SH3GL3: variants seen among roughly 807,000 people sequenced by gnomAD.
SH3GL3 encodes SH3 domain containing GRB2 like 3, endophilin A3, also known as endophilin-A3.
SH3GL3 carries 33 observed loss-of-function variants against 47.7 expected under a neutral mutation model. That is an observed-to-expected ratio of 0.69 (90% CI 0.52 to 0.92). The LOEUF (loss-of-function observed/expected upper bound fraction) is 0.92, where lower values mean the gene tolerates loss of function less well. Ranked by LOEUF, SH3GL3 falls within the 40% of genes least tolerant of loss-of-function variation. The pLI is 0.00. For missense variants in SH3GL3, 363 were observed against 417.8 expected, an observed-to-expected ratio of 0.87 and a Z score of 1.14; for synonymous variants, 155 against 148.8, an observed-to-expected ratio of 1.04 and a Z score of -0.30.
Position 83,618,295 on chromosome 15 carries a change from A to G in SH3GL3, c.*8A>G. On this transcript the variant is annotated 3_prime_UTR_variant, in exon 9 of 9. Coordinates refer to ENST00000427482, the MANE Select transcript of SH3GL3 (RefSeq NM_003027.5). ...GTGCCTTTACCTCAGTAAATGTGTA[A>G]CACAAACTCTGGACATACTTTCGTA... 6.5e-7 allele frequency: 1 copy of G among 1,548,374 alleles called. No homozygotes were observed. The highest frequency in any genetic ancestry group is 8.9e-7 in the Non-Finnish European group (1 of 1,119,940).
chr15:83,587,341 T>C (rs746440524), intron 7 of SH3GL3, among the ~76,000 whole-genome samples: 23 of 152,102 alleles, frequency 1.5e-4, no homozygotes, highest in Non-Finnish European at 2.9e-4. Flanking sequence ...TCCCTTTTTT[T>C]TGTGACCCGT....
chr15:83,536,813 G>A (rs2201101), intron 1 of SH3GL3, among the ~76,000 whole-genome samples: 2 of 152,016 alleles, frequency 1.3e-5, no homozygotes, highest in Non-Finnish European at 2.9e-5. Context: ...ATATGAAATC[G>A]TCTCAAATTT....
At chr15:83,611,550 C>T (rs1421364357) in intron 8 of SH3GL3, 2 of 151,926 alleles carry the variant, frequency 1.3e-5, no homozygotes, top group Admixed American at 6.6e-5. Flanking sequence ...ACAGCAGCCA[C>T]CTGGGAGCTC....
chr15:83,450,705 C>G (rs58896971), intron 1 of SH3GL3, among the ~76,000 whole-genome samples: 1 of 82,376 alleles, frequency 1.2e-5, no homozygotes, highest in African/African-American at 5.1e-5. Context: ...CCAAATTTTT[C>G]TTTTTTTTTT....
chr15:83,587,825 A>T (rs545061780), intron 7 of SH3GL3, among the ~76,000 whole-genome samples: 41 of 152,332 alleles, frequency 2.7e-4, no homozygotes, highest in African/African-American at 9.6e-4. Flanking sequence ...AGGTTTGATA[A>T]CAGAAAATTG....
chr15:83,559,106 C>A lies in SH3GL3; in HGVS notation c.46-147C>A, dbSNP rs1377855384. ...TTCCTGTGCCTTTAGATATGGTTAC[C>A]CCTTCCAACAATTTTCTTAAAGGAG... On this transcript the variant is annotated intron_variant, in intron 1 of 8. Coordinates refer to ENST00000427482, the MANE Select transcript of SH3GL3 (RefSeq NM_003027.5). 2.4e-5 allele frequency: 15 copies of A among 617,974 alleles called. No homozygotes were observed. The East Asian group carries it at 4.1e-4, about 17-fold the overall frequency. The allele number at this position is 617,974 out of a possible 1,614,324, so 38.3% of individuals were successfully genotyped here.
intron 1 of SH3GL3, among the ~76,000 whole-genome samples, chr15:83,528,824 G>T (rs1158295727): frequency 2.6e-5 from 4 of 152,028 alleles, no homozygotes; most frequent in African/African-American, 9.7e-5. Context: ...ATTGGAATCT[G>T]TTGCTAGAAA....
At chr15:83,484,058 A>T (rs1233428169) in intron 1 of SH3GL3, among the ~76,000 whole-genome samples, 1 of 152,210 alleles carries the variant, frequency 6.6e-6, no homozygotes. Context: ...TTGATGCAAA[A>T]GCTTCAGTGT....
intron 1 of SH3GL3, among the ~76,000 whole-genome samples, chr15:83,479,317 G>A (rs1297086127): frequency 6.6e-6 from 1 of 151,694 alleles, no homozygotes; most frequent in Non-Finnish European, 1.5e-5. Context: ...TTTGTGTAGA[G>A]GTAGAGCGTG....
At chr15:83,607,896 A>AC (rs1419021786) in intron 8 of SH3GL3, among the ~76,000 whole-genome samples, 10 of 151,004 alleles carry the variant, frequency 6.6e-5, no homozygotes, top group African/African-American at 2.4e-4. Flanking sequence ...AACAACAACA[A>AC]AAAAAACAAC....
rs556691298 is a variant in SH3GL3 at position 83,568,410 on chromosome 15, C to T, written c.188-119C>T. 8.7e-6 allele frequency: 6 copies of T among 687,236 alleles called. No homozygotes were observed. In the African/African-American group the frequency reaches 1.1e-4, roughly 12 times the overall value. The allele number at this position is 687,236 out of a possible 1,614,324, so 42.6% of individuals were successfully genotyped here. A position where few individuals can be genotyped will look rare whatever the true frequency, so the allele number is the denominator to read the frequency against. ...GTTCACACACAATTGTTTCAGGCCT[C>T]AGGTCTCTGGCATTTTGTTTAAGGT... On this transcript the variant is annotated intron_variant, in intron 3 of 8. Coordinates refer to ENST00000427482, the MANE Select transcript of SH3GL3 (RefSeq NM_003027.5).
At chr15:83,474,431 A>T (rs540429130) in intron 1 of SH3GL3, among the ~76,000 whole-genome samples, 1 of 152,184 alleles carries the variant, frequency 6.6e-6, no homozygotes, top group Non-Finnish European at 1.5e-5. Context: ...AAATATTGGC[A>T]ATTAATTTAA....
At chr15:83,582,373 A>T (rs144646893) in intron 6 of SH3GL3, among the ~76,000 whole-genome samples, 5 of 152,160 alleles carry the variant, frequency 3.3e-5, no homozygotes. Flanking sequence ...ACTAGATTCC[A>T]GATTCCTGAG....
Position 83,547,660 on chromosome 15 carries a change from C to T in SH3GL3, c.46-11593C>T, listed in dbSNP as rs572819085. Among the ~76,000 whole-genome samples the T allele has an allele frequency of 2.6e-5, 4 of 152,246 alleles. No individual in the cohort carries two copies. The South Asian group carries it at 8.3e-4, about 32-fold the overall frequency. Reference sequence around the variant, plus strand: ...TCTGTTGAGCCATCTTGCTCTGCCTCCTCCTCCAGAAATCAGTGTTAGTGT... The same window carrying T: ...TCTGTTGAGCCATCTTGCTCTGCCTTCTCCTCCAGAAATCAGTGTTAGTGT... On this transcript the variant is annotated intron_variant, in intron 1 of 8. Coordinates refer to ENST00000427482, the MANE Select transcript of SH3GL3 (RefSeq NM_003027.5).
the SH3GL3 span, among the ~76,000 whole-genome samples, chr15:83,624,513 A>G: frequency 6.6e-6 from 1 of 152,220 alleles, no homozygotes; most frequent in Non-Finnish European, 1.5e-5. Flanking sequence ...CATCAAGGTG[A>G]GTTGCAGAGG....
chr15:83,555,775 T>G (rs1363123761), intron 1 of SH3GL3, among the ~76,000 whole-genome samples: 1 of 152,228 alleles, frequency 6.6e-6, no homozygotes. Context: ...TTTTAGATCC[T>G]TTTGTACTCA....
intron 1 of SH3GL3, among the ~76,000 whole-genome samples, chr15:83,464,628 A>G (rs1168984343): frequency 2.0e-5 from 3 of 152,238 alleles, no homozygotes; most frequent in African/African-American, 7.2e-5. Context: ...AAAACAAACC[A>G]AAGTAAAACA....
At chr15:83,592,743 C>T (rs1346987512) in intron 8 of SH3GL3, among the ~76,000 whole-genome samples, 1 of 152,170 alleles carries the variant, frequency 6.6e-6, no homozygotes, top group Non-Finnish European at 1.5e-5. Context: ...ACAACACATC[C>T]TGCCTCCTCC....
intron 1 of SH3GL3, among the ~76,000 whole-genome samples, chr15:83,482,064 G>T (rs1012414521): frequency 2.6e-5 from 4 of 152,092 alleles, no homozygotes; most frequent in African/African-American, 7.2e-5. Flanking sequence ...CCAACACTGG[G>T]TCTTGCCATT....
Sources: gnomAD v4.1 joint callset for allele counts (sites outside exome capture counted in the v4.1 genomes callset) on GRCh38, gnomAD v4.1.1 for gene constraint, MANE v1.5 for transcripts, NCBI Gene and HGNC (gene_info 2026-07-23, HGNC 2026-07-21) for gene names.